Variants in TEX101 observed in about 807,000 individuals in gnomAD.
TEX101 encodes testis-expressed protein 101.
Under a neutral mutation model 18.1 loss-of-function variants are expected in TEX101, and 10 were observed. The observed-to-expected ratio is 0.55, with a 90% CI of 0.34 to 0.94. The LOEUF is 0.94. Ranked by LOEUF, TEX101 falls within the 40% of genes least tolerant of loss-of-function variation. The probability of loss-of-function intolerance (pLI) is 0.02; values close to 1 mark genes in which losing one functional copy is unlikely to be tolerated. For missense variants in TEX101, 259 were observed against 298.9 expected (o/e 0.87, Z 0.98); for synonymous variants, 94 against 114.8 (o/e 0.82, Z 1.16).
At chr19:43,414,761 A>G, upstream of TEX101, 4 of 860,414 alleles carry the variant, frequency 4.6e-6, no homozygotes, top group Non-Finnish European at 5.6e-6. Context: ...ATTGCCAGGA[A>G]TTGACTTCTC....
chr19:43,400,597 GT>G (rs1240479486), upstream of TEX101, among the ~76,000 whole-genome samples: 2 of 152,276 alleles, frequency 1.3e-5, no homozygotes, highest in African/African-American at 4.8e-5. Flanking sequence ...TCTCACTAGA[GT>G]TGTCCAGTCA....
chr19:43,406,234 T>A, exon 3 of TEX101: 1 of 480,264 alleles, frequency 2.1e-6, no homozygotes, highest in Non-Finnish European at 3.7e-6. Context: ...GCACTGAATG[T>A]CAAAGTGAAG....
At chr19:43,391,398 CTGTT>C in the TEX101 span, among the ~76,000 whole-genome samples, 1 of 122,354 alleles carries the variant, frequency 8.2e-6, no homozygotes, top group African/African-American at 3.1e-5. Context: ...TTGTTCTTTT[CTGTT>C]TTTCTTTTTT....
chr19:43,396,826 A>AT (rs1202828153), upstream of TEX101, among the ~76,000 whole-genome samples: 6,131 of 82,926 alleles, frequency 0.074, 1,012 homozygotes, highest in Non-Finnish European at 0.09. Flanking sequence ...TGTTTTCAGC[A>AT]TTTTTTTTTT....
At chr19:43,411,093 T>C (rs974964031), upstream of TEX101, among the ~76,000 whole-genome samples, 1 of 152,160 alleles carries the variant, frequency 6.6e-6, no homozygotes. Flanking sequence ...TTTGGTTTTT[T>C]TGAAACAGAG....
chr19:43,402,323 G>A (rs1970325032), intron 1 of TEX101, among the ~76,000 whole-genome samples: 1 of 152,202 alleles, frequency 6.6e-6, no homozygotes, highest in Non-Finnish European at 1.5e-5. Context: ...ACCTGTAGAT[G>A]TTGAACATGA....
At position 43,418,270 on chromosome 19, in the gene TEX101, C is replaced by T. The variant is rs202125042; in HGVS notation, c.623C>T (p.Ala208Val). Residue 208 changes from alanine (A) to valine (V), a missense_variant, in exon 6 of 6, where the codon GCG (alanine) becomes GTG (valine). Coordinates refer to ENST00000598265, the MANE Select transcript of TEX101 (RefSeq NM_001130011.3). ...GTAGGACCCATGTTTGTGAGGGAAG[C>T]GTGCCCACATCAGCTGCTCACTCAA... ...LAVGPMFVRE[A>V]CPHQLLTQPR... 2.8e-5 allele frequency: 45 copies of T among 1,614,056 alleles called. No homozygotes were observed. The highest frequency in any genetic ancestry group is 1.0e-4 in the Admixed American group (6 of 59,994).
upstream of TEX101, among the ~76,000 whole-genome samples, chr19:43,398,455 T>C (rs751866124): frequency 1.3e-5 from 2 of 151,330 alleles, no homozygotes; most frequent in African/African-American, 4.9e-5. Flanking sequence ...TTTGTATTTT[T>C]AGTAGAGACA....
chr19:43,413,992 C>T (rs887653230), upstream of TEX101, among the ~76,000 whole-genome samples: 2 of 151,808 alleles, frequency 1.3e-5, no homozygotes, highest in South Asian at 4.2e-4. Context: ...GGCATGGTAG[C>T]TTATGCCTGT....
the TEX101 span, among the ~76,000 whole-genome samples, chr19:43,389,721 C>G: frequency 6.6e-6 from 1 of 152,190 alleles, no homozygotes; most frequent in Non-Finnish European, 1.5e-5. Context: ...GGCACCCGAC[C>G]CCTCAGCCGG....
At chr19:43,412,442 C>G (rs947489632), upstream of TEX101, among the ~76,000 whole-genome samples, 2 of 152,068 alleles carry the variant, frequency 1.3e-5, no homozygotes, top group African/African-American at 4.8e-5. Flanking sequence ...GAGATTTGGG[C>G]GGGGGACAAA....
At chr19:43,395,393 A>G in the TEX101 span, among the ~76,000 whole-genome samples, 1 of 152,218 alleles carries the variant, frequency 6.6e-6, no homozygotes, top group African/African-American at 2.4e-5. Flanking sequence ...GATCCCTTTC[A>G]GGCCACTGAT....
chr19:43,411,781 G>A (rs1216067768), upstream of TEX101, among the ~76,000 whole-genome samples: 2 of 152,036 alleles, frequency 1.3e-5, no homozygotes, highest in South Asian at 4.1e-4. Flanking sequence ...CTCCCAAGTA[G>A]CTGGGATTAC....
In TEX101 at chr19:43,416,190, G is replaced by C; in HGVS notation, c.156G>C (p.Glu52Asp). Residue 52 changes from glutamate (E) to aspartate (D), a missense_variant, in exon 3 of 6, where the codon GAG (glutamate) becomes GAC (aspartate). Coordinates refer to ENST00000598265, the MANE Select transcript of TEX101 (RefSeq NM_001130011.3). Reference protein sequence around the residue: ...NMFNWTTEEVETCDKGALCQE... With the variant: ...NMFNWTTEEVDTCDKGALCQE... The stretch of plus-strand genomic sequence containing the variant: ...TTAACTGGACCACAGAGGAAGTGGA[G>C]ACTTGTGACAAAGGGGCACTTTGCC... The C allele has an allele frequency of 6.2e-7, 1 of 1,613,858 alleles. No individual in the cohort carries two copies.
chr19:43,407,506 G>A (rs2122328532), intron 3 of TEX101, among the ~76,000 whole-genome samples: 1 of 151,592 alleles, frequency 6.6e-6, no homozygotes, highest in Non-Finnish European at 1.5e-5. Flanking sequence ...AAGGAAGAAA[G>A]AAGAAAAGGA....
chr19:43,411,519 T>G (rs1970418960), upstream of TEX101, among the ~76,000 whole-genome samples: 1 of 152,276 alleles, frequency 6.6e-6, no homozygotes, highest in Admixed American at 6.5e-5. Flanking sequence ...CAAGTGCTTA[T>G]ATAAAAAGAT....
At chr19:43,413,603 G>C (rs532721016), upstream of TEX101, among the ~76,000 whole-genome samples, 2 of 152,068 alleles carry the variant, frequency 1.3e-5, no homozygotes, top group East Asian at 3.9e-4. Flanking sequence ...CTTTAATCCA[G>C]TATCTGAGGA....
upstream of TEX101, among the ~76,000 whole-genome samples, chr19:43,397,720 A>G (rs1970279749): frequency 6.9e-6 from 1 of 144,070 alleles, no homozygotes; most frequent in African/African-American, 2.6e-5. Flanking sequence ...CCCTAACAGT[A>G]TCTAATACAT....
chr19:43,410,735 TCAGA>T (rs1180079690), upstream of TEX101, among the ~76,000 whole-genome samples: 2 of 148,200 alleles, frequency 1.3e-5, no homozygotes, highest in African/African-American at 2.5e-5. Context: ...GACACACACA[TCAGA>T]CACACATTCA....
Sources: gnomAD v4.1 joint callset for allele counts (sites outside exome capture counted in the v4.1 genomes callset) on GRCh38, gnomAD v4.1.1 for gene constraint, MANE v1.5 for transcripts, NCBI Gene and HGNC (gene_info 2026-07-23, HGNC 2026-07-21) for gene names.